AFF2: variants seen among roughly 807,000 people sequenced by gnomAD.
The protein encoded by AFF2 is AF4/FMR2 family member 2.
Under a neutral mutation model 76.9 loss-of-function variants are expected in AFF2, and 14 were observed. The observed-to-expected ratio is 0.18, with a 90% confidence interval of 0.12 to 0.28. AFF2 has a LOEUF of 0.28. AFF2 is among the 10% of genes least tolerant of loss of function. The pLI, the probability that AFF2 is intolerant of heterozygous loss-of-function variation, is 1.00. For missense variants in AFF2, 868 were observed against 1,001.1 expected (o/e 0.87, Z 1.79); for synonymous variants, 398 against 366.7 (o/e 1.09, Z -0.98).
chrX:148,823,783 A>C (rs1170353005), intron 4 of AFF2, among the ~76,000 whole-genome samples: 3 of 111,843 alleles, frequency 2.7e-5, no homozygotes, highest in Non-Finnish European at 5.6e-5. Flanking sequence ...CAGAACAAAA[A>C]ATAAGTCTGA....
chrX:148,749,050 T>A (rs2055461813), intron 3 of AFF2, among the ~76,000 whole-genome samples: 1 of 111,570 alleles, frequency 9.0e-6, no homozygotes, highest in South Asian at 3.8e-4. Context: ...TTTATTCTAA[T>A]TTTTGGAGGA....
At chrX:148,614,368 A>C (rs934251784) in intron 1 of AFF2, among the ~76,000 whole-genome samples, 2 of 111,845 alleles carry the variant, frequency 1.8e-5, no homozygotes, top group Non-Finnish European at 3.8e-5. Flanking sequence ...TTATGAATCT[A>C]ATGCTAGAGG....
chrX:148,875,079 T>C (rs1557277725), intron 7 of AFF2, among the ~76,000 whole-genome samples: 1 of 112,148 alleles, frequency 8.9e-6, no homozygotes, highest in Non-Finnish European at 1.9e-5. Context: ...TCCTCTGTAT[T>C]AGAGCCAGTG....
At chrX:148,614,641 CTCTT>C (rs1279755437) in intron 1 of AFF2, among the ~76,000 whole-genome samples, 14 of 105,829 alleles carry the variant, frequency 1.3e-4, no homozygotes, top group African/African-American at 3.1e-4. Flanking sequence ...TTCTCTCTCT[CTCTT>C]TCTTTCTTCC....
At chrX:148,958,300 G>A in intron 11 of AFF2, 37 bp from the exon 12 acceptor site, 1 of 1,206,078 alleles carries the variant, frequency 8.3e-7, no homozygotes, top group Non-Finnish European at 1.1e-6. Context: ...ATGGTGCCAT[G>A]CATTTCAAGC....
chrX:148,911,410 G>A (rs1412589081), intron 9 of AFF2, among the ~76,000 whole-genome samples: 1 of 111,478 alleles, frequency 9.0e-6, no homozygotes, highest in African/African-American at 3.3e-5. Context: ...AGTCAGTTAA[G>A]TCACCATTCT....
chrX:148,754,729 T>C (rs1557266745), intron 3 of AFF2, among the ~76,000 whole-genome samples: 1 of 111,508 alleles, frequency 9.0e-6, no homozygotes, highest in Non-Finnish European at 1.9e-5. Context: ...TACAAGGGGA[T>C]GTATAAAGTG....
At chrX:148,619,302 G>A (rs929620146) in intron 1 of AFF2, among the ~76,000 whole-genome samples, 3 of 111,373 alleles carry the variant, frequency 2.7e-5, no homozygotes, top group South Asian at 3.7e-4. Flanking sequence ...GATAATGATC[G>A]GTACTGTGTG....
chrX:148,720,288 T>G (rs2055075706), intron 3 of AFF2, among the ~76,000 whole-genome samples: 1 of 110,358 alleles, frequency 9.1e-6, no homozygotes, highest in Non-Finnish European at 1.9e-5. Context: ...AAAGAAACCA[T>G]GCGCAAATGT....
intron 1 of AFF2, among the ~76,000 whole-genome samples, chrX:148,530,098 C>G (rs2052712370): frequency 9.0e-6 from 1 of 111,406 alleles, no homozygotes; most frequent in Non-Finnish European, 1.9e-5. Context: ...TGGCATGTGG[C>G]AATACCTGTG....
rs782405134 is a variant in AFF2 at position 148,825,054 on chromosome X, A to G, written c.1087-12593A>G. 3.7e-5 allele frequency among the ~76,000 whole-genome samples: 4 copies of G among 109,519 alleles called. No homozygotes were observed. The East Asian group carries it at 1.1e-3, about 31-fold the overall frequency. On this transcript the variant is annotated intron_variant, in intron 4 of 20. Coordinates refer to ENST00000370460, the MANE Select transcript of AFF2 (RefSeq NM_002025.4). ...AGAGTGAGACCTCATCTCTAAAACCACACACACACACATACACACACACAC... is the reference window on the plus strand; with the variant it reads ...AGAGTGAGACCTCATCTCTAAAACCGCACACACACACATACACACACACAC...
intron 3 of AFF2, among the ~76,000 whole-genome samples, chrX:148,785,129 G>T (rs540082291): frequency 4.4e-4 from 49 of 112,324 alleles, no homozygotes; most frequent in Admixed American, 1.0e-3. Context: ...GTACGCATGC[G>T]CATGCACATA....
At chrX:148,679,959 T>C (rs2054529340) in intron 3 of AFF2, among the ~76,000 whole-genome samples, 1 of 112,317 alleles carries the variant, frequency 8.9e-6, no homozygotes, top group Admixed American at 9.5e-5. Context: ...TTGAAACTAG[T>C]TTATAATCTT....
chrX:148,978,470 G>T lies in AFF2; in HGVS notation c.3570+15G>T. 9.4e-7 allele frequency: 1 copy of T among 1,064,365 alleles called. No individual in the cohort carries two copies. Among genetic ancestry groups the T allele is most frequent in the African/African-American group, 1.8e-5 (1 of 54,840 alleles). 87.7% of individuals were successfully genotyped at this position (1,064,365 alleles called of 1,213,427 possible). A position where few individuals can be genotyped will look rare whatever the true frequency, so the allele number is the denominator to read the frequency against. ...AATATTTTAAGGTAATGCTTATTTTGTATAATTTATAGGTACAGGATGATA... is the reference window on the plus strand; with the variant it reads ...AATATTTTAAGGTAATGCTTATTTTTTATAATTTATAGGTACAGGATGATA... On this transcript the variant is annotated intron_variant, in intron 18 of 20. Coordinates refer to ENST00000370460, the MANE Select transcript of AFF2 (RefSeq NM_002025.4).
intron 1 of AFF2, among the ~76,000 whole-genome samples, chrX:148,583,773 CTG>C (rs1160996066): frequency 9.0e-6 from 1 of 111,462 alleles, no homozygotes. Context: ...TTTTCTGACA[CTG>C]AGAAACCTGA....
At chrX:148,672,200 A>G (rs2054432451) in intron 3 of AFF2, among the ~76,000 whole-genome samples, 1 of 112,360 alleles carries the variant, frequency 8.9e-6, no homozygotes, top group Non-Finnish European at 1.9e-5. Context: ...TTTGACATGA[A>G]AGAAAATAAT....
At chrX:148,848,679 G>T (rs1313920125) in intron 7 of AFF2, among the ~76,000 whole-genome samples, 1 of 112,339 alleles carries the variant, frequency 8.9e-6, no homozygotes, top group Admixed American at 9.4e-5. Flanking sequence ...CAGAATACAT[G>T]ATTTGGTACT....
At chrX:148,608,029 G>T (rs1179193025) in intron 1 of AFF2, among the ~76,000 whole-genome samples, 1 of 112,023 alleles carries the variant, frequency 8.9e-6, no homozygotes, top group Non-Finnish European at 1.9e-5. Context: ...ATGCAAAGAG[G>T]CAATTGTGTT....
At position 148,935,964 on chromosome X, in the gene AFF2, G is replaced by A. The variant is rs782382149; in HGVS notation, c.1398-17616G>A. 9.5e-4 allele frequency among the ~76,000 whole-genome samples: 103 copies of A among 108,956 alleles called. 1 individual carries two copies. The highest frequency in any genetic ancestry group is 3.2e-3 in the African/African-American group (95 of 29,978). The allele number at this position is 108,956 out of a possible 115,157, so 94.6% of individuals were successfully genotyped here. On this transcript the variant is annotated intron_variant, in intron 9 of 20. Transcript: ENST00000370460. ...GGAAAGCCGTGGAAAAGAGCACCTC[G>A]CATTCACTTTAATATTTTGCCTTTT...
Sources: allele counts gnomAD v4.1 joint callset (sites outside exome capture counted in the v4.1 genomes callset), GRCh38; gene constraint gnomAD v4.1.1; transcripts MANE v1.5; gene names NCBI Gene and HGNC (gene_info 2026-07-23, HGNC 2026-07-21).